RGS5: variants seen among roughly 807,000 people sequenced by gnomAD.
The protein encoded by RGS5 is regulator of G protein signaling 5.
RGS5 carries 20 observed loss-of-function variants against 18.9 expected under a neutral mutation model. That is an observed-to-expected ratio of 1.06 (90% CI 0.74 to 1.54). The LOEUF (loss-of-function observed/expected upper bound fraction) is 1.54, where lower values mean the gene tolerates loss of function less well. RGS5 is among the 40% of genes most tolerant of loss of function. The pLI is 0.00. For synonymous variants in RGS5, 57 were observed against 76.2 expected (o/e 0.75, Z 1.31); for missense variants, 201 against 211.8 (o/e 0.95, Z 0.32).
chr1:163,283,547 C>A (rs973033332), intron 2 of RGS5, among the ~76,000 whole-genome samples: 2 of 152,122 alleles, frequency 1.3e-5, no homozygotes, highest in Admixed American at 1.3e-4. Flanking sequence ...TTCATACCTC[C>A]ATGAAATTTC....
intron 2 of RGS5, among the ~76,000 whole-genome samples, chr1:163,253,087 A>G (rs1280869040): frequency 1.3e-5 from 2 of 152,154 alleles, no homozygotes; most frequent in African/African-American, 4.8e-5. Flanking sequence ...GTGATCCCTA[A>G]AATTTCACTA....
At chr1:163,149,090 T>C (rs1350220714) in intron 4 of RGS5, among the ~76,000 whole-genome samples, 1 of 152,224 alleles carries the variant, frequency 6.6e-6, no homozygotes, top group African/African-American at 2.4e-5. Flanking sequence ...GGCGTTGAGC[T>C]ACATTAAGAT....
In RGS5 at chr1:163,239,979, C is replaced by T. The variant is rs188177590; in HGVS notation, c.-281+66254G>A. ...GATGTGTTCATTCTTATCTGAATTC[C>T]AAAATAAATAAATGAGTGCCTCAAA... On this transcript the variant is annotated intron_variant, in intron 2 of 5. Transcript: ENST00000618415. Among the ~76,000 whole-genome samples the T allele has an allele frequency of 2.2e-3, 339 of 151,452 alleles. 2 individuals carry two copies. The highest frequency in any genetic ancestry group is 6.8e-3 in the Middle Eastern group (2 of 294).
At chr1:163,151,612 G>C (rs928620958) in intron 4 of RGS5, among the ~76,000 whole-genome samples, 36 of 152,156 alleles carry the variant, frequency 2.4e-4, no homozygotes, top group African/African-American at 8.7e-4. Context: ...CACGAGATCT[G>C]ATGGTTTTAT....
At chr1:163,157,561 T>C (rs1200805894) in intron 3 of RGS5, among the ~76,000 whole-genome samples, 1 of 152,192 alleles carries the variant, frequency 6.6e-6, no homozygotes, top group Admixed American at 6.5e-5. Flanking sequence ...AAGATATGAA[T>C]GTAAGGAATT....
chr1:163,182,492 T>C (rs993883891), intron 1 of RGS5, among the ~76,000 whole-genome samples: 7 of 152,322 alleles, frequency 4.6e-5, no homozygotes, highest in Admixed American at 2.6e-4. Context: ...TTTCCCATGC[T>C]TTTCTGGGCT....
intron 2 of RGS5, among the ~76,000 whole-genome samples, chr1:163,229,379 C>T (rs1314544247): frequency 2.0e-5 from 3 of 152,132 alleles, no homozygotes; most frequent in Admixed American, 1.3e-4. Context: ...GGGGAAGCCT[C>T]CCCTGTGATC....
At chr1:163,212,939 C>T (rs1571296183) in intron 1 of RGS5, 2 of 152,132 alleles carry the variant, frequency 1.3e-5, no homozygotes, top group Non-Finnish European at 2.9e-5. Context: ...TATGAATTAG[C>T]TTATGCTCCC....
upstream of RGS5, among the ~76,000 whole-genome samples, chr1:163,219,045 G>A (rs928667912): frequency 5.9e-5 from 9 of 151,866 alleles, no homozygotes; most frequent in African/African-American, 1.9e-4. Context: ...TAGAATTTAC[G>A]GCTCTCAGTA....
chr1:163,217,481 T>C lies in RGS5; in HGVS notation c.69+45A>G. On this transcript the variant is annotated intron_variant, in intron 1 of 5. Transcript: ENST00000367903. ...TATGCACAGTCTTTCCTGTAAATTA[T>C]AACATTAAAGAAAACCATTATTTAA... The C allele has an allele frequency of 4.0e-6, 6 of 1,485,626 alleles. 1 individual carries two copies. Among genetic ancestry groups the C allele is most frequent in the Middle Eastern group, 3.5e-4 (2 of 5,700 alleles). The allele number at this position is 1,485,626 out of a possible 1,614,324, so 92.0% of individuals were successfully genotyped here.
chr1:163,146,431 A>G lies in RGS5; in HGVS notation c.*911T>C, dbSNP rs1657130652. 6.6e-6 allele frequency: 1 copy of G among 152,178 alleles called. No homozygotes were observed. 9.4% of individuals were successfully genotyped at this position (152,178 alleles called of 1,614,324 possible). The stretch of plus-strand genomic sequence containing the variant: ...TGACCATATTTTCTCTTTTTAGCAT[A>G]TAGCCATCTTGATATTTAGGTGGGA... On this transcript the variant is annotated 3_prime_UTR_variant, in exon 5 of 5. Transcript: ENST00000313961.
intron 2 of RGS5, among the ~76,000 whole-genome samples, chr1:163,290,565 TA>T (rs1649256409): frequency 6.7e-6 from 1 of 150,268 alleles, no homozygotes; most frequent in African/African-American, 2.5e-5. Context: ...TCTCTTATAA[TA>T]AACCCCACAT....
At chr1:163,317,729 T>G (rs926023211) in intron 1 of RGS5, among the ~76,000 whole-genome samples, 1 of 152,232 alleles carries the variant, frequency 6.6e-6, no homozygotes, top group Admixed American at 6.5e-5. Context: ...CTAGAATCTC[T>G]CAGTTCCTAG....
At chr1:163,265,794 T>C (rs377590055) in intron 2 of RGS5, among the ~76,000 whole-genome samples, 1 of 152,112 alleles carries the variant, frequency 6.6e-6, no homozygotes, top group African/African-American at 2.4e-5. Context: ...TTTGTTCCTG[T>C]TATGGTTGAT....
At chr1:163,183,055 T>C (rs1300260164) in intron 1 of RGS5, among the ~76,000 whole-genome samples, 1 of 152,230 alleles carries the variant, frequency 6.6e-6, no homozygotes, top group Non-Finnish European at 1.5e-5. Context: ...AGAACTTTAA[T>C]GTGTCCTCTC....
At chr1:163,284,561 AC>A (rs1269178710) in intron 2 of RGS5, among the ~76,000 whole-genome samples, 2 of 152,080 alleles carry the variant, frequency 1.3e-5, no homozygotes, top group African/African-American at 4.8e-5. Flanking sequence ...TTTCTCTCAG[AC>A]CCTTTATGGA....
chr1:163,294,785 G>A (rs1432186396), intron 2 of RGS5, among the ~76,000 whole-genome samples: 1 of 152,012 alleles, frequency 6.6e-6, no homozygotes, highest in African/African-American at 2.4e-5. Context: ...ATCTCTTTGT[G>A]AGCACATGTA....
chr1:163,200,563 G>A (rs1401004675), intron 1 of RGS5, among the ~76,000 whole-genome samples: 1 of 152,110 alleles, frequency 6.6e-6, no homozygotes, highest in Non-Finnish European at 1.5e-5. Context: ...AATAGACAGT[G>A]TTAGACCCTT....
rs998711362 is a variant in RGS5 at position 163,147,124 on chromosome 1, C to T, written c.*218G>A. ...AAGCTGAAGATATCTTAATTAATAA[C>T]AGGGCAGGAAGAATTGAGTGGGGAA... On this transcript the variant is annotated 3_prime_UTR_variant, in exon 5 of 5. Transcript: ENST00000313961. 1.3e-5 allele frequency: 5 copies of T among 377,630 alleles called. No homozygotes were observed. The highest frequency in any genetic ancestry group is 2.3e-5 in the Non-Finnish European group (5 of 214,574). The allele number at this position is 377,630 out of a possible 1,614,324, so 23.4% of individuals were successfully genotyped here.
Sources: allele counts gnomAD v4.1 joint callset (sites outside exome capture counted in the v4.1 genomes callset), GRCh38; gene constraint gnomAD v4.1.1; transcripts MANE v1.5; gene names NCBI Gene and HGNC (gene_info 2026-07-23, HGNC 2026-07-21).